The following PHACTR2 variants were observed in gnomAD, a reference collection of about 807,000 sequenced individuals.
The protein encoded by PHACTR2 is chromosome 6 open reading frame 56.
In PHACTR2, 30 loss-of-function variants were observed where a neutral mutation model predicts 76.0. That is an observed-to-expected ratio of 0.39 (90% CI 0.30 to 0.54). PHACTR2 has a LOEUF of 0.54. PHACTR2 is among the 20% of genes least tolerant of loss of function. The pLI is 0.61. For missense variants in PHACTR2, 696 were observed against 781.1 expected (o/e 0.89, Z 1.30); for synonymous variants, 292 against 292.5 (o/e 1.00, Z 0.02).
rs868157347 is a variant in PHACTR2 at position 143,549,723 on chromosome 6, C to T, written c.217+12516C>T. On this transcript the variant is annotated intron_variant, in intron 1 of 11. Coordinates refer to the PHACTR2 transcript ENST00000367584. This position sits in a 1 kb window ranked among gnomAD's most constrained non-coding sequence, Gnocchi z 4.2. The stretch of plus-strand genomic sequence containing the variant: ...TGCCACTCCTCCCTTCTTCTGCACA[C>T]GCCTACTTTAACAGTTGCTCATTGA... Among the ~76,000 whole-genome samples the T allele has an allele frequency of 5.3e-5, 8 of 152,154 alleles. No individual in the cohort carries two copies. The highest frequency in any genetic ancestry group is 9.6e-5 in the African/African-American group (4 of 41,550).
intron 1 of PHACTR2, among the ~76,000 whole-genome samples, chr6:143,582,124 A>G (rs1775583714): frequency 6.6e-6 from 1 of 152,212 alleles, no homozygotes; most frequent in Non-Finnish European, 1.5e-5. Context: ...CCACCTGTTT[A>G]GGTCTGTAAA....
At chr6:143,640,164 A>T (rs1166959832) in intron 1 of PHACTR2, among the ~76,000 whole-genome samples, 1 of 152,266 alleles carries the variant, frequency 6.6e-6, no homozygotes, top group Non-Finnish European at 1.5e-5. Flanking sequence ...ATATAAGTGT[A>T]GCACATATAA....
Position 143,617,911 on chromosome 6 carries a change from G to T in PHACTR2, c.13+9589G>T, listed in dbSNP as rs1401016447. Among the ~76,000 whole-genome samples the T allele has an allele frequency of 2.0e-5, 3 of 152,154 alleles. No individual in the cohort carries two copies. The highest frequency in any genetic ancestry group is 2.0e-4 in the Admixed American group (3 of 15,268). ...AGTCACCTACTTCCTAATCAGGAAG[G>T]TTGGTTTCTTTTCCAACATCTTAGA... On this transcript the variant is annotated intron_variant, in intron 1 of 11. Transcript: ENST00000305766. This position sits in a 1 kb window ranked among gnomAD's most constrained non-coding sequence, Gnocchi z 4.8.
chr6:143,558,498 G>A lies in PHACTR2; in HGVS notation c.217+21291G>A, dbSNP rs113997977. The stretch of plus-strand genomic sequence containing the variant: ...CTACTAGGTTTTAAAAAAATTGAGT[G>A]TCAGATCTGTTATGAGGATGAAATT... On this transcript the variant is annotated intron_variant, in intron 1 of 11. Transcript: ENST00000367584. This position sits in a 1 kb window ranked among gnomAD's most constrained non-coding sequence, Gnocchi z 4.7. Among the ~76,000 whole-genome samples the A allele has an allele frequency of 0.014, 2,092 of 152,226 alleles. 54 individuals carry two copies. The highest frequency in any genetic ancestry group is 0.047 in the African/African-American group (1,953 of 41,526).
intron 1 of PHACTR2, among the ~76,000 whole-genome samples, chr6:143,564,222 T>A (rs1186273225): frequency 8.4e-6 from 1 of 119,152 alleles, no homozygotes; most frequent in Non-Finnish European, 1.8e-5. Context: ...TATATATATA[T>A]ATATATATAT....
At chr6:143,717,405 G>A (rs897210901) in intron 2 of PHACTR2, among the ~76,000 whole-genome samples, 6 of 152,008 alleles carry the variant, frequency 3.9e-5, no homozygotes, top group Admixed American at 3.3e-4. Context: ...AATTTACTAC[G>A]TAAAGTATTT....
rs1391493950 is a variant in PHACTR2, at chr6:143,648,012, G to C, written c.13+39690G>C. The stretch of plus-strand genomic sequence containing the variant: ...GCAGTGGAAATAAGGGAAGCAGGTA[G>C]GATCCTGCCGTGACCCGAGAGAGAT... On this transcript the variant is annotated intron_variant, in intron 1 of 11. Coordinates refer to the PHACTR2 transcript ENST00000305766. This position sits in a 1 kb window ranked among gnomAD's most constrained non-coding sequence, Gnocchi z 6.7. Among the ~76,000 whole-genome samples, 2 of 152,324 alleles carry C rather than the reference G, an allele frequency of 1.3e-5. No homozygotes were observed. Among genetic ancestry groups the C allele is most frequent in the East Asian group, 3.9e-4 (2 of 5,186 alleles).
chr6:143,590,117 T>C (rs1348914893), intron 1 of PHACTR2, among the ~76,000 whole-genome samples: 1 of 152,214 alleles, frequency 6.6e-6, no homozygotes, highest in Non-Finnish European at 1.5e-5. Flanking sequence ...AAAATTTTAC[T>C]TACTTAAAAA....
chr6:143,542,344 C>T (rs749176195), intron 1 of PHACTR2, among the ~76,000 whole-genome samples: 4 of 152,152 alleles, frequency 2.6e-5, no homozygotes, highest in Admixed American at 2.6e-4. Flanking sequence ...TGATTCTTAC[C>T]AAGTTACCAT....
chr6:143,612,311 G>A (rs1382529915), intron 1 of PHACTR2, among the ~76,000 whole-genome samples: 2 of 152,100 alleles, frequency 1.3e-5, no homozygotes, highest in African/African-American at 2.4e-5. Flanking sequence ...ATGTAAGCAC[G>A]AAGACATTTC....
chr6:143,545,858 T>C (rs1218020243), intron 1 of PHACTR2, among the ~76,000 whole-genome samples: 4 of 152,198 alleles, frequency 2.6e-5, no homozygotes, highest in African/African-American at 9.7e-5. Flanking sequence ...CAGTCAATGG[T>C]CGTCTACTTT....
chr6:143,770,416 ATGGT>A (rs1775075076), intron 6 of PHACTR2, among the ~76,000 whole-genome samples: 1 of 152,192 alleles, frequency 6.6e-6, no homozygotes, highest in South Asian at 2.1e-4. Flanking sequence ...AGTTCTGAAG[ATGGT>A]TGGTGGTGGT....
chr6:143,728,216 C>CTTTTTTTTTTTT (rs548709835), intron 2 of PHACTR2, among the ~76,000 whole-genome samples: 4 of 83,746 alleles, frequency 4.8e-5, no homozygotes, highest in East Asian at 3.2e-4. Flanking sequence ...TTTTTTCTTT[C>CTTTTTTTTTTTT]TTTTTTTTTT....
intron 9 of PHACTR2, among the ~76,000 whole-genome samples, chr6:143,779,925 T>TTATATTA (rs1453112038): frequency 7.1e-6 from 1 of 140,362 alleles, no homozygotes; most frequent in Non-Finnish European, 1.6e-5. Context: ...TTATATTATA[T>TTATATTA]TATATTATAT....
intron 1 of PHACTR2, among the ~76,000 whole-genome samples, chr6:143,566,425 C>T (rs9376764): frequency 0.61 from 93,204 of 151,932 alleles, 28,937 homozygotes; most frequent in Middle Eastern, 0.72. Flanking sequence ...TCACAAGTAG[C>T]TGGGACTACA....
chr6:143,712,204 T>C lies in PHACTR2; in HGVS notation c.214+21T>C, dbSNP rs989701513. 5.8e-6 allele frequency: 8 copies of C among 1,379,146 alleles called. No homozygotes were observed. In the African/African-American group the frequency reaches 1.0e-4, roughly 18 times the overall value. 85.4% of individuals were successfully genotyped at this position (1,379,146 alleles called of 1,614,324 possible). A position where few individuals can be genotyped will look rare whatever the true frequency, so the allele number is the denominator to read the frequency against. ...GGCAGGTATGAGTATCATAACTTGT[T>C]AGAAGATGGGATAAATTGTAAAACG... is the stretch of plus-strand genomic sequence containing the variant. On this transcript the variant is annotated intron_variant, in intron 2 of 12. Coordinates refer to ENST00000440869, the MANE Select transcript of PHACTR2 (RefSeq NM_001100164.2).
chr6:143,792,026 A>T (rs1775702598), intron 11 of PHACTR2, among the ~76,000 whole-genome samples: 1 of 152,160 alleles, frequency 6.6e-6, no homozygotes, highest in Admixed American at 6.5e-5. Context: ...TTACCCTTAC[A>T]CTGAGGGTAT....
At position 143,663,734 on chromosome 6, in the gene PHACTR2, T is replaced by G. The variant is rs1271898384; in HGVS notation, c.14-48282T>G. 6.6e-6 allele frequency among the ~76,000 whole-genome samples: 1 copy of G among 152,164 alleles called. No homozygotes were observed. Among genetic ancestry groups the G allele is most frequent in the African/African-American group, 2.4e-5 (1 of 41,464 alleles). ...AAAATGTGTGGGAGGGGTTTTTATT[T>G]CTGTTTTTAACTAGGTTTTCTTGTT... On this transcript the variant is annotated intron_variant, in intron 1 of 11. Transcript: ENST00000305766. The surrounding 1 kb of genome is among the most constrained non-coding windows in gnomAD (Gnocchi z 4.1).
chr6:143,786,427 C>G (rs901124540), intron 10 of PHACTR2, among the ~76,000 whole-genome samples: 4 of 152,228 alleles, frequency 2.6e-5, no homozygotes, highest in African/African-American at 9.6e-5. Context: ...AAGTTCCAAA[C>G]TTTCCCACCT....
Sources: allele counts gnomAD v4.1 joint callset (sites outside exome capture counted in the v4.1 genomes callset), GRCh38; gene constraint gnomAD v4.1.1; non-coding constraint Gnocchi (gnomAD v3.1); transcripts MANE v1.5; gene names NCBI Gene and HGNC (gene_info 2026-07-23, HGNC 2026-07-21).